Variants in GARRE1 observed in about 807,000 individuals in gnomAD.
GARRE1 encodes the protein granule associated Rac and RHOG effector 1.
Under a neutral mutation model 103.2 loss-of-function variants are expected in GARRE1, and 49 were observed. The ratio of observed to expected loss-of-function variants is 0.47; its 90% CI spans 0.38 to 0.60. The LOEUF (loss-of-function observed/expected upper bound fraction) is 0.60, where lower values mean the gene tolerates loss of function less well. Ranked by LOEUF, GARRE1 falls within the 20% of genes least tolerant of loss-of-function variation. GARRE1 has a pLI of 0.00. For missense variants in GARRE1, 1,199 were observed against 1,370.5 expected (o/e 0.87, Z 1.98); for synonymous variants, 505 against 532.8 (o/e 0.95, Z 0.72).
In GARRE1 at chr19:34,348,023, C is replaced by T. The variant is rs375671745; in HGVS notation, c.2668C>T (p.Pro890Ser). 5 of 1,490,292 alleles carry T rather than the reference C, an allele frequency of 3.4e-6. No homozygotes were observed. The highest frequency in any genetic ancestry group is 2.6e-5 in the East Asian group (1 of 39,144). 92.3% of individuals were successfully genotyped at this position (1,490,292 alleles called of 1,614,324 possible). A position where few individuals can be genotyped will look rare whatever the true frequency, so the allele number is the denominator to read the frequency against. The stretch of plus-strand genomic sequence containing the variant: ...TGACGCGCATCGGACCTGGCCCTTC[C>T]CCGAGTTCTTCACAGAAGGGTGAGT... ...MDDAHRTWPFPEFFTEGDGLH... is the reference protein window; with the variant it reads ...MDDAHRTWPFSEFFTEGDGLH... The change falls in exon 11 of 14, where the codon CCC becomes TCC. Residue 890 changes from proline to serine, a missense_variant. Coordinates refer to ENST00000299505, the MANE Select transcript of GARRE1 (RefSeq NM_014686.5).
At chr19:34,350,997 G>A (rs563530180) in intron 12 of GARRE1, among the ~76,000 whole-genome samples, 2 of 151,748 alleles carry the variant, frequency 1.3e-5, no homozygotes, top group Admixed American at 6.6e-5. Context: ...TCAGGAGTTC[G>A]AGATCAGCCT....
chr19:34,258,973 G>A (rs1331053810), intron 1 of GARRE1, among the ~76,000 whole-genome samples: 10 of 152,102 alleles, frequency 6.6e-5, no homozygotes, highest in Admixed American at 3.9e-4. Context: ...GCCAAGGTGG[G>A]AGGATTGCTT....
chr19:34,327,295 A>G, intron 3 of GARRE1, 126 bp from the exon 4 acceptor site: 1 of 856,062 alleles, frequency 1.2e-6, no homozygotes, highest in Non-Finnish European at 1.8e-6. Flanking sequence ...CTTCTAGTTT[A>G]TTTGCTTAGA....
In GARRE1 at chr19:34,300,397, T is replaced by C; in HGVS notation, c.-77T>C. ...GATTTGCAGAACTCCACTATTTTTATACCTAGCTACAGTTTTGAGAAAGAA... is the reference window on the plus strand; with the variant it reads ...GATTTGCAGAACTCCACTATTTTTACACCTAGCTACAGTTTTGAGAAAGAA... On this transcript the variant is annotated 5_prime_UTR_variant, in exon 2 of 14. Coordinates refer to ENST00000299505, the MANE Select transcript of GARRE1 (RefSeq NM_014686.5). 1 of 1,480,732 alleles carries C rather than the reference T, an allele frequency of 6.8e-7. No homozygotes were observed. The allele number at this position is 1,480,732 out of a possible 1,614,324, so 91.7% of individuals were successfully genotyped here.
chr19:34,348,180 T>C, intron 11 of GARRE1, 138 bp downstream of exon 11: 2 of 716,392 alleles, frequency 2.8e-6, no homozygotes, highest in Non-Finnish European at 4.0e-6. Context: ...GAGAGTGACA[T>C]GGGATGAAAT....
intron 1 of GARRE1, among the ~76,000 whole-genome samples, chr19:34,289,055 A>G (rs1440544090): frequency 6.6e-6 from 1 of 151,770 alleles, no homozygotes; most frequent in East Asian, 1.9e-4. Flanking sequence ...AATTGCTTGA[A>G]CCCAGGAGGT....
At chr19:34,305,573 C>A (rs900587026) in intron 2 of GARRE1, among the ~76,000 whole-genome samples, 1 of 152,206 alleles carries the variant, frequency 6.6e-6, no homozygotes. Flanking sequence ...TTGGAGGAAA[C>A]AGAGCTTGAC....
rs1233612778 is a variant in GARRE1, at chr19:34,320,009, G to A, written c.598G>A (p.Val200Ile). The A allele has an allele frequency of 1.9e-6, 3 of 1,614,200 alleles. No homozygotes were observed. The highest frequency in any genetic ancestry group is 2.5e-6 in the Non-Finnish European group (3 of 1,180,038). ...QPVAHSCFAE[V>I]IVPEKKNSGS... ...GGTGGCTCACTCTTGCTTTGCTGAG[G>A]TCATCGTGCCAGAAAAAAAGAACAG... Residue 200 changes from valine to isoleucine, a missense_variant, in exon 3 of 14, where the codon GTC becomes ATC. Val to Ile is a conservative substitution (Grantham distance 29). Coordinates refer to ENST00000299505, the MANE Select transcript of GARRE1 (RefSeq NM_014686.5).
chr19:34,298,203 C>G (rs1435514334), intron 1 of GARRE1, among the ~76,000 whole-genome samples: 1 of 152,010 alleles, frequency 6.6e-6, no homozygotes, highest in African/African-American at 2.4e-5. Flanking sequence ...ATCACTTGAG[C>G]TCAGGAGTTT....
At chr19:34,348,311 G>A (rs1422510635) in intron 11 of GARRE1, 2 of 305,374 alleles carry the variant, frequency 6.5e-6, no homozygotes, top group African/African-American at 4.3e-5. Flanking sequence ...CCTAGACAAG[G>A]CTCTTACATG....
intron 11 of GARRE1, 68 bp from the exon 12 acceptor site, chr19:34,348,948 T>G: frequency 6.3e-7 from 1 of 1,588,434 alleles, no homozygotes; most frequent in Non-Finnish European, 8.5e-7. Flanking sequence ...GGACTGCCCT[T>G]TCAGGGTGGG....
chr19:34,277,685 C>T (rs28541881), intron 1 of GARRE1, among the ~76,000 whole-genome samples: 14,554 of 152,102 alleles, frequency 0.096, 1,085 homozygotes, highest in African/African-American at 0.2. Flanking sequence ...CTGATTCCTT[C>T]ATCATAAACT....
intron 1 of GARRE1, among the ~76,000 whole-genome samples, chr19:34,258,789 CAAAA>C (rs5827898): frequency 2.1e-5 from 3 of 144,338 alleles, no homozygotes; most frequent in Non-Finnish European, 4.5e-5. Flanking sequence ...GACTCCGTCT[CAAAA>C]AAAAAAAGAA....
chr19:34,258,966 A>G (rs1351776448), intron 1 of GARRE1, among the ~76,000 whole-genome samples: 2 of 152,090 alleles, frequency 1.3e-5, no homozygotes, highest in Non-Finnish European at 2.9e-5. Flanking sequence ...TTGGGAGGCC[A>G]AGGTGGGAGG....
intron 2 of GARRE1, among the ~76,000 whole-genome samples, chr19:34,313,022 C>G (rs1008978632): frequency 2.0e-5 from 3 of 152,214 alleles, no homozygotes; most frequent in Admixed American, 6.5e-5. Context: ...ACCTGGGTCA[C>G]TCACTCCCTG....
intron 2 of GARRE1, among the ~76,000 whole-genome samples, chr19:34,301,914 A>G (rs1248448217): frequency 7.0e-6 from 1 of 142,508 alleles, no homozygotes; most frequent in Non-Finnish European, 1.5e-5. Context: ...CGATCTCCTG[A>G]CCTTGTGATC....
chr19:34,324,503 CTTT>C (rs397859412), intron 3 of GARRE1, among the ~76,000 whole-genome samples: 1 of 135,458 alleles, frequency 7.4e-6, no homozygotes, highest in Non-Finnish European at 1.6e-5. Context: ...CACCAGTGCA[CTTT>C]TTTTTTTTTT....
At chr19:34,321,240 T>G (rs1272233505) in intron 3 of GARRE1, among the ~76,000 whole-genome samples, 7 of 117,832 alleles carry the variant, frequency 5.9e-5, no homozygotes, top group South Asian at 6.2e-4. Flanking sequence ...TTTTTTTTTT[T>G]TTTTTTTTTG....
intron 1 of GARRE1, among the ~76,000 whole-genome samples, chr19:34,263,728 C>A (rs2073734244): frequency 6.6e-6 from 1 of 152,298 alleles, no homozygotes; most frequent in Middle Eastern, 3.4e-3. Context: ...CTCAAGTGAT[C>A]CATCCACCTC....
Sources: gnomAD v4.1 joint callset for allele counts (sites outside exome capture counted in the v4.1 genomes callset) on GRCh38, gnomAD v4.1.1 for gene constraint, MANE v1.5 for transcripts, NCBI Gene and HGNC (gene_info 2026-07-23, HGNC 2026-07-21) for gene names.